The following GOT2 variants were observed in gnomAD, a reference collection of about 807,000 sequenced individuals.
GOT2 encodes aspartate aminotransferase, mitochondrial.
In GOT2, 17 loss-of-function variants were observed where a neutral mutation model predicts 50.0. The observed-to-expected ratio is 0.34, with a 90% CI of 0.23 to 0.51. The LOEUF (loss-of-function observed/expected upper bound fraction) is 0.51. GOT2 is among the 20% of genes least tolerant of loss of function. The pLI is 0.97. For synonymous variants in GOT2, 172 were observed against 204.9 expected (o/e 0.84, Z 1.37); for missense variants, 430 against 559.6 (o/e 0.77, Z 2.34).
At chr16:58,733,340 T>C (rs371275149) in intron 1 of GOT2, among the ~76,000 whole-genome samples, 7 of 152,244 alleles carry the variant, frequency 4.6e-5, no homozygotes, top group African/African-American at 1.7e-4. Context: ...TGTTCACAGT[T>C]GTATCGTTGG....
chr16:58,717,182 T>C (rs899934991), intron 6 of GOT2, among the ~76,000 whole-genome samples: 39 of 152,096 alleles, frequency 2.6e-4, no homozygotes, highest in African/African-American at 9.4e-4. Flanking sequence ...GAGATCAGCC[T>C]GGGCAACAAA....
At chr16:58,726,703 G>T (rs1014537333) in intron 1 of GOT2, among the ~76,000 whole-genome samples, 2 of 149,748 alleles carry the variant, frequency 1.3e-5, no homozygotes, top group Admixed American at 6.7e-5. Flanking sequence ...TGTTGGTCAG[G>T]TCTCTACCTC....
chr16:58,723,628 T>C, intron 2 of GOT2, 118 bp downstream of exon 2: 2 of 797,592 alleles, frequency 2.5e-6, no homozygotes, highest in Middle Eastern at 2.4e-4. Flanking sequence ...TTCATGCCAT[T>C]AGTGCCAGAA....
chr16:58,710,890 C>T (rs907814483), intron 8 of GOT2, among the ~76,000 whole-genome samples: 2 of 149,526 alleles, frequency 1.3e-5, no homozygotes, highest in African/African-American at 4.9e-5. Context: ...ATGGTGTGAA[C>T]CCAGAAGGCA....
At chr16:58,731,191 C>T (rs956865801) in intron 1 of GOT2, among the ~76,000 whole-genome samples, 2 of 152,006 alleles carry the variant, frequency 1.3e-5, no homozygotes, top group African/African-American at 2.4e-5. Flanking sequence ...TGGAGTGCAG[C>T]GGCGTGATCA....
chr16:58,708,498 A>G (rs2044620976), intron 9 of GOT2, among the ~76,000 whole-genome samples: 1 of 152,038 alleles, frequency 6.6e-6, no homozygotes, highest in Non-Finnish European at 1.5e-5. Flanking sequence ...CCAGCTATTC[A>G]GGAGGCTAAG....
chr16:58,719,583 C>T (rs2044724231), intron 3 of GOT2, among the ~76,000 whole-genome samples: 1 of 151,888 alleles, frequency 6.6e-6, no homozygotes, highest in South Asian at 2.1e-4. Flanking sequence ...CATGGCGAGA[C>T]CCTGTCTCTA....
intron 7 of GOT2, 133 bp from the exon 8 acceptor site, chr16:58,716,312 C>G (rs1411749126): frequency 1.1e-6 from 1 of 869,886 alleles, no homozygotes; most frequent in Non-Finnish European, 1.7e-6. Flanking sequence ...AAATAAAAAG[C>G]TTTCAACAAC....
chr16:58,717,972 C>A (rs2044708024), intron 6 of GOT2, among the ~76,000 whole-genome samples: 1 of 152,234 alleles, frequency 6.6e-6, no homozygotes, highest in Non-Finnish European at 1.5e-5. Context: ...CAGGCGTGAG[C>A]CACCGCGCCC....
At position 58,719,271 on chromosome 16, in the gene GOT2, C is replaced by T. The variant is rs747984687; in HGVS notation, c.376-16G>A. 34 of 1,602,724 alleles carry T rather than the reference C, an allele frequency of 2.1e-5. No individual in the cohort carries two copies. The highest frequency in any genetic ancestry group is 2.8e-5 in the Non-Finnish European group (33 of 1,169,940). ...CAGTGACAAACTGAAGGAGAGATAC[C>T]CACGGTCAGTGATGTGCAACACTCT... On this transcript the variant is annotated splice_polypyrimidine_tract_variant and intron_variant, in intron 3 of 9. Transcript: ENST00000245206.
At position 58,718,527 on chromosome 16, in the gene GOT2, T is replaced by C. The variant is rs756830010; in HGVS notation, c.597A>G (p.Ser199=). The C allele has an allele frequency of 1.3e-6, 2 of 1,569,210 alleles. No individual in the cohort carries two copies. Among genetic ancestry groups the C allele is most frequent in the South Asian group, 1.2e-5 (1 of 84,206 alleles). ...FDFTGAVEDI[S]KIPEQSVLLL... is the part of the protein sequence containing the mutation. ...CTCTCACCCTGAAAGCCACACTTAC[T>C]GAAATATCCTCCACAGCGCCTGTGA... Residue 199 remains serine (S), a splice_region_variant and synonymous_variant, in exon 5 of 10, where the codon TCA becomes TCG. Transcript: ENST00000245206.
chr16:58,714,546 C>A (rs1171019213), intron 8 of GOT2, among the ~76,000 whole-genome samples: 1 of 143,910 alleles, frequency 6.9e-6, no homozygotes, highest in Non-Finnish European at 1.5e-5. Context: ...AGCGAGACTC[C>A]GTCTCAAAAA....
intron 6 of GOT2, among the ~76,000 whole-genome samples, chr16:58,717,632 G>A (rs541014892): frequency 6.6e-6 from 1 of 152,246 alleles, no homozygotes; most frequent in South Asian, 2.1e-4. Flanking sequence ...GACATCCTGG[G>A]GCCAGTGGAC....
chr16:58,733,773 TATCAAGGGCACGGTCGTTACCCGGC>T (rs1314467172), intron 1 of GOT2: 4 of 198,576 alleles, frequency 2.0e-5, no homozygotes, highest in Non-Finnish European at 4.0e-5. Context: ...CAGGGCACCC[TATCAAGGGCACGGTCGTTACCCGGC>T]GCCGCTGCCC....
chr16:58,720,578 ATTT>A (rs567374817), intron 3 of GOT2, among the ~76,000 whole-genome samples: 2 of 140,970 alleles, frequency 1.4e-5, no homozygotes, highest in African/African-American at 5.2e-5. Flanking sequence ...AGGCACAACA[ATTT>A]TTTTTTTTTT....
chr16:58,714,429 G>A (rs2044674257), intron 8 of GOT2, among the ~76,000 whole-genome samples: 1 of 151,566 alleles, frequency 6.6e-6, no homozygotes, highest in South Asian at 2.1e-4. Context: ...GCGGGCGCCT[G>A]TAGTCCCAGG....
Position 58,716,786 on chromosome 16 carries a change from T to C in GOT2, c.730A>G (p.Met244Val), listed in dbSNP as rs1345648209. Residue 244 changes from methionine (M) to valine (V), a missense_variant, in exon 7 of 10, where the codon ATG (methionine) becomes GTG (valine). Physicochemically the swap from Met to Val is conservative, Grantham distance 21. Coordinates refer to ENST00000245206, the MANE Select transcript of GOT2 (RefSeq NM_002080.4). ...CCACTGGCAAAGCCTTGGTAGGCCA[T>C]GTCAAAGAACGCAAAGAGATTCCTT... The part of the protein sequence containing the change: ...KKRNLFAFFD[M>V]AYQGFASGDG... 4 of 1,614,056 alleles carry C rather than the reference T, an allele frequency of 2.5e-6. No individual in the cohort carries two copies. The highest frequency in any genetic ancestry group is 1.3e-5 in the African/African-American group (1 of 74,954).
At chr16:58,713,180 A>AG (rs1250221828) in intron 8 of GOT2, among the ~76,000 whole-genome samples, 1 of 152,206 alleles carries the variant, frequency 6.6e-6, no homozygotes, top group Non-Finnish European at 1.5e-5. Flanking sequence ...ACAATGGGTA[A>AG]GGGAAAAAAA....
Position 58,716,128 on chromosome 16 carries a change from T to G in GOT2, c.905A>C (p.Lys302Thr). The G allele has an allele frequency of 1.2e-6, 2 of 1,614,034 alleles. No individual in the cohort carries two copies. The highest frequency in any genetic ancestry group is 1.7e-6 in the Non-Finnish European group (2 of 1,179,974). ...GATCTTCAACTGTGACTCTACCCTTTTGGCTTCATCCGCATCTTTGCAGAC... is the reference window on the plus strand; with the variant it reads ...GATCTTCAACTGTGACTCTACCCTTGTGGCTTCATCCGCATCTTTGCAGAC... ...TMVCKDADEA[K>T]RVESQLKILI... The change falls in exon 8 of 10, where the codon AAA (lysine) becomes ACA (threonine). Residue 302 changes from lysine (K) to threonine (T), a missense_variant. Physicochemically the swap from Lys to Thr is moderately conservative, Grantham distance 78 (BLOSUM62 -1). Transcript: ENST00000245206.
Sources: allele counts gnomAD v4.1 joint callset (sites outside exome capture counted in the v4.1 genomes callset), GRCh38; gene constraint gnomAD v4.1.1; transcripts MANE v1.5; gene names NCBI Gene and HGNC (gene_info 2026-07-23, HGNC 2026-07-21).